The following TENM3 variants were observed in gnomAD, a reference collection of about 807,000 sequenced individuals.
TENM3 encodes teneurin-3.
TENM3 carries 63 observed loss-of-function variants against 255.1 expected under a neutral mutation model. The observed-to-expected ratio is 0.25, with a 90% confidence interval of 0.20 to 0.30. The LOEUF is 0.30. Among genes scored for constraint, TENM3 ranks in the 10% least tolerant of loss-of-function variants. The pLI is 1.00. For synonymous variants in TENM3, 1,306 were observed against 1,322.3 expected (o/e 0.99, Z 0.27); for missense variants, 2,929 against 3,461.1 (o/e 0.85, Z 3.86).
chr4:182,429,844 T>C (rs1361944643), intron 3 of TENM3, among the ~76,000 whole-genome samples: 1 of 152,240 alleles, frequency 6.6e-6, no homozygotes, highest in Non-Finnish European at 1.5e-5. Flanking sequence ...ATCTTACTAG[T>C]TCAGCACTGT....
the TENM3 span, among the ~76,000 whole-genome samples, chr4:181,493,113 T>C: frequency 6.6e-6 from 1 of 151,900 alleles, no homozygotes; most frequent in Non-Finnish European, 1.5e-5. Context: ...TTATCTTCCC[T>C]AGATAAGAAC....
At chr4:181,542,316 G>A in the TENM3 span, among the ~76,000 whole-genome samples, 1 of 152,192 alleles carries the variant, frequency 6.6e-6, no homozygotes, top group African/African-American at 2.4e-5. Flanking sequence ...TCTGAGGCAA[G>A]TTTGCAGAAA....
At chr4:181,672,250 A>G in the TENM3 span, among the ~76,000 whole-genome samples, 2 of 152,304 alleles carry the variant, frequency 1.3e-5, no homozygotes, top group East Asian at 3.9e-4. Context: ...ATAGAGAATA[A>G]TAATACAAAG....
chr4:182,291,158 A>G (rs1301248809), intron 1 of TENM3, among the ~76,000 whole-genome samples: 7 of 152,134 alleles, frequency 4.6e-5, no homozygotes, highest in Non-Finnish European at 1.5e-5. Context: ...CAGATTGATC[A>G]GTAAGTGATA....
chr4:182,622,978 T>C (rs986549874), intron 4 of TENM3, among the ~76,000 whole-genome samples: 1 of 151,952 alleles, frequency 6.6e-6, no homozygotes, highest in Non-Finnish European at 1.5e-5. Context: ...TATTTGTTTA[T>C]GTTTTTTATT....
intron 3 of TENM3, among the ~76,000 whole-genome samples, chr4:182,463,401 A>G (rs1205732814): frequency 6.6e-6 from 1 of 151,756 alleles, no homozygotes; most frequent in Non-Finnish European, 1.5e-5. Context: ...TAGTAAGATC[A>G]TTAGTCAGTG....
At chr4:181,603,751 C>T in the TENM3 span, among the ~76,000 whole-genome samples, 4 of 152,070 alleles carry the variant, frequency 2.6e-5, no homozygotes, top group Admixed American at 6.5e-5. Context: ...TCTTAAAACC[C>T]GTTGGAAATA....
At chr4:181,856,212 C>T in the TENM3 span, among the ~76,000 whole-genome samples, 1 of 150,854 alleles carries the variant, frequency 6.6e-6, no homozygotes, top group African/African-American at 2.5e-5. Flanking sequence ...GGTCCCAGAC[C>T]TTGAGGAATT....
chr4:182,727,461 A>AAAAAAAAAAAAG (rs1055948871), intron 13 of TENM3, among the ~76,000 whole-genome samples: 1 of 151,716 alleles, frequency 6.6e-6, no homozygotes, highest in Admixed American at 6.6e-5. Flanking sequence ...GTCTCAAAAA[A>AAAAAAAAAAAAG]AAAGAAAGAA....
At chr4:181,700,429 G>A in the TENM3 span, among the ~76,000 whole-genome samples, 1 of 152,016 alleles carries the variant, frequency 6.6e-6, no homozygotes, top group Non-Finnish European at 1.5e-5. Flanking sequence ...GAATATAAGG[G>A]GAGGAGAAAA....
At chr4:182,327,025 G>A (rs571190774) in intron 2 of TENM3, among the ~76,000 whole-genome samples, 18 of 152,270 alleles carry the variant, frequency 1.2e-4, no homozygotes, top group East Asian at 1.9e-4. Context: ...TATTTGTAGC[G>A]GGAGTGGTAG....
the TENM3 span, among the ~76,000 whole-genome samples, chr4:181,896,299 A>G: frequency 1.3e-5 from 2 of 152,212 alleles, no homozygotes; most frequent in Non-Finnish European, 2.9e-5. Context: ...AAGTAAGTCA[A>G]TTAATCCTTC....
chr4:182,234,654 C>T (rs1232554174), intron 1 of TENM3, among the ~76,000 whole-genome samples: 1 of 152,050 alleles, frequency 6.6e-6, no homozygotes, highest in African/African-American at 2.4e-5. Flanking sequence ...ATCACTTGAA[C>T]CTAGGAGGCG....
At chr4:182,369,026 C>T (rs895531937) in intron 3 of TENM3, among the ~76,000 whole-genome samples, 2 of 152,198 alleles carry the variant, frequency 1.3e-5, no homozygotes, top group Non-Finnish European at 2.9e-5. Flanking sequence ...ATCCTTTGCC[C>T]TCCCCCACAT....
chr4:182,773,658 A>T lies in TENM3; in HGVS notation c.5068+11A>T. The T allele has an allele frequency of 6.2e-7, 1 of 1,605,298 alleles. No individual in the cohort carries two copies. Among genetic ancestry groups the T allele is most frequent in the Middle Eastern group, 1.7e-4 (1 of 6,028 alleles). ...ACACCATGGTTCAAGGTAAACACGA[A>T]AGCATCATTTTAAACAAGTACCACC... On this transcript the variant is annotated intron_variant, in intron 23 of 27. Transcript: ENST00000511685.
chr4:181,842,548 T>A, the TENM3 span, among the ~76,000 whole-genome samples: 1 of 152,346 alleles, frequency 6.6e-6, no homozygotes, highest in East Asian at 1.9e-4. Flanking sequence ...CCCTTTTCGC[T>A]GTTGCTTTTG....
At chr4:181,884,564 C>G in the TENM3 span, among the ~76,000 whole-genome samples, 2 of 152,088 alleles carry the variant, frequency 1.3e-5, no homozygotes, top group Non-Finnish European at 2.9e-5. Flanking sequence ...AATATTTGTC[C>G]TTTTGCATCT....
At chr4:182,491,355 TA>T (rs1440741383) in intron 3 of TENM3, among the ~76,000 whole-genome samples, 4 of 151,708 alleles carry the variant, frequency 2.6e-5, no homozygotes, top group African/African-American at 9.7e-5. Context: ...TCTACCTGCT[TA>T]ATTCCATTAC....
At chr4:181,533,381 G>C in the TENM3 span, among the ~76,000 whole-genome samples, 3 of 152,098 alleles carry the variant, frequency 2.0e-5, no homozygotes, top group African/African-American at 7.2e-5. Flanking sequence ...GCTTCTCCTG[G>C]GTGCAGTGGA....
Sources: gnomAD v4.1 joint callset for allele counts (sites outside exome capture counted in the v4.1 genomes callset) on GRCh38, gnomAD v4.1.1 for gene constraint, MANE v1.5 for transcripts, NCBI Gene and HGNC (gene_info 2026-07-23, HGNC 2026-07-21) for gene names.